KLF7: variants seen among roughly 807,000 people sequenced by gnomAD.
KLF7 encodes Krueppel-like factor 7.
Under a neutral mutation model 27.3 loss-of-function variants are expected in KLF7, and 2 were observed. The ratio of observed to expected loss-of-function variants is 0.07; its 90% CI spans 0.03 to 0.23. KLF7 has a LOEUF of 0.23. KLF7 is among the 10% of genes least tolerant of loss of function. The pLI, the probability that KLF7 is intolerant of heterozygous loss-of-function variation, is 1.00. For synonymous variants in KLF7, 165 were observed against 162.4 expected (o/e 1.02, Z -0.12); for missense variants, 221 against 394.1 (o/e 0.56, Z 3.72).
chr2:207,162,388 T>C (rs2078575388), intron 1 of KLF7, among the ~76,000 whole-genome samples: 2 of 152,196 alleles, frequency 1.3e-5, no homozygotes, highest in South Asian at 4.1e-4. Context: ...TTCTATAAAA[T>C]AATAGACCAC....
rs59384224 is a variant in KLF7 at position 207,102,126 on chromosome 2, TCACA to T, written c.734-13549_734-13546del. ...CCACCCGTGAAAGCTACATTCACAT[TCACA>T]CACACACACACACACACACACACAC... On this transcript the variant is annotated intron_variant, in intron 2 of 3. Coordinates refer to ENST00000309446, the MANE Select transcript of KLF7 (RefSeq NM_003709.4). Among the ~76,000 whole-genome samples the T allele has an allele frequency of 5.5e-4, 78 of 141,266 alleles. No individual in the cohort carries two copies. In the Middle Eastern group the frequency reaches 0.011, roughly 20 times the overall value. The allele number at this position is 141,266 out of a possible 152,430, so 92.7% of individuals were successfully genotyped here.
intron 2 of KLF7, among the ~76,000 whole-genome samples, chr2:207,092,513 G>C (rs1263617): frequency 0.82 from 124,575 of 152,288 alleles, 51,597 homozygotes; most frequent in African/African-American, 0.9. Context: ...TAAGTCTCAT[G>C]AGGTGAAAAC....
At chr2:207,138,862 GAT>G (rs1559153872) in intron 1 of KLF7, among the ~76,000 whole-genome samples, 1 of 152,208 alleles carries the variant, frequency 6.6e-6, no homozygotes, top group Non-Finnish European at 1.5e-5. Context: ...TAAATAAGGA[GAT>G]ATTTCGATGT....
At chr2:207,139,933 G>C (rs1288592353) in intron 1 of KLF7, among the ~76,000 whole-genome samples, 3 of 152,118 alleles carry the variant, frequency 2.0e-5, no homozygotes, top group East Asian at 3.9e-4. Flanking sequence ...ACAGTCGCCA[G>C]GCTGGAGTGC....
In KLF7 at chr2:207,076,794, T is replaced by C. The variant is rs948591333; in HGVS notation, c.*4419A>G. On this transcript the variant is annotated 3_prime_UTR_variant, in exon 4 of 4. Coordinates refer to ENST00000309446, the MANE Select transcript of KLF7 (RefSeq NM_003709.4). ...TTAATCCAGACACCCTGAATTTGAG[T>C]CCTCCCCTCCTGCCCCCCAACTCTT... 1.3e-5 allele frequency: 2 copies of C among 152,062 alleles called. No individual in the cohort carries two copies. The highest frequency in any genetic ancestry group is 3.9e-4 in the East Asian group (2 of 5,176). The allele number at this position is 152,062 out of a possible 1,614,324, so 9.4% of individuals were successfully genotyped here.
chr2:207,172,990 G>GT, the KLF7 span, among the ~76,000 whole-genome samples: 58,718 of 151,894 alleles, frequency 0.39, 12,210 homozygotes, highest in African/African-American at 0.53. Context: ...ATATTTTTGT[G>GT]TACTGACTTT....
At chr2:207,098,924 A>G (rs1012487405) in intron 2 of KLF7, among the ~76,000 whole-genome samples, 1 of 151,508 alleles carries the variant, frequency 6.6e-6, no homozygotes, top group Non-Finnish European at 1.5e-5. Flanking sequence ...CTATTCCCAA[A>G]CTATTAATTT....
rs752576572 is a variant in KLF7, at chr2:207,081,057, GTA to G, written c.*154_*155del. The stretch of plus-strand genomic sequence containing the variant: ...TATGTGTGTGGGTCTGTGAGTGTGT[GTA>G]TATGTGTGTGTGTGTGTGTGTGTGT... On this transcript the variant is annotated 3_prime_UTR_variant, in exon 4 of 4. Coordinates refer to ENST00000309446, the MANE Select transcript of KLF7 (RefSeq NM_003709.4). The G allele has an allele frequency of 0.018, 8,369 of 473,216 alleles. 3 individuals are homozygous for G. Among genetic ancestry groups the G allele is most frequent in the South Asian group, 0.049 (1,792 of 36,376 alleles). The allele number at this position is 473,216 out of a possible 1,614,324, so 29.3% of individuals were successfully genotyped here.
At chr2:207,115,974 G>C (rs2077171251) in intron 2 of KLF7, among the ~76,000 whole-genome samples, 2 of 152,164 alleles carry the variant, frequency 1.3e-5, no homozygotes, top group South Asian at 4.1e-4. Flanking sequence ...ACAGAGTACA[G>C]GAAGGGATCA....
chr2:207,161,360 AAC>A (rs918439238), intron 1 of KLF7, among the ~76,000 whole-genome samples: 4 of 152,238 alleles, frequency 2.6e-5, no homozygotes, highest in East Asian at 1.9e-4. Context: ...ACCAAAAAAA[AAC>A]AGTTATTTTA....
At chr2:207,131,736 AAATTAAGTCAG>A (rs761876258) in intron 1 of KLF7, among the ~76,000 whole-genome samples, 1 of 152,238 alleles carries the variant, frequency 6.6e-6, no homozygotes, top group Non-Finnish European at 1.5e-5. Flanking sequence ...TAGGCTTTCA[AAATTAAGTCAG>A]AATTGAAAGA....
intron 2 of KLF7, among the ~76,000 whole-genome samples, chr2:207,102,002 T>C (rs1437444961): frequency 6.6e-6 from 1 of 151,972 alleles, no homozygotes; most frequent in East Asian, 1.9e-4. Context: ...TATTGGTCCA[T>C]CTCCATACCT....
rs10681871 is a variant in KLF7, at chr2:207,134,175, T to TTTA, written c.103-9772_103-9771insTAA. The TTTA allele has an allele frequency of 1.2e-5, 17 of 1,360,584 alleles. No homozygotes were observed. The South Asian group carries it at 1.4e-4, about 11-fold the overall frequency. The allele number at this position is 1,360,584 out of a possible 1,614,324, so 84.3% of individuals were successfully genotyped here. A position where few individuals can be genotyped will look rare whatever the true frequency, so the allele number is the denominator to read the frequency against. On this transcript the variant is annotated intron_variant, in intron 1 of 3. Transcript: ENST00000309446. ...TGGGATTTTTTTTTTTTTTTTTTTT[T>TTTA]AAAGCAAACTCATTTCATTGGCTCC...
chr2:207,101,804 A>T (rs2076770825), intron 2 of KLF7, among the ~76,000 whole-genome samples: 2 of 152,062 alleles, frequency 1.3e-5, no homozygotes, highest in Non-Finnish European at 2.9e-5. Flanking sequence ...TGCTCGCCTA[A>T]CTTCCTCTAG....
intron 2 of KLF7, among the ~76,000 whole-genome samples, chr2:207,113,719 T>C (rs1365323019): frequency 6.6e-6 from 1 of 151,716 alleles, no homozygotes; most frequent in Non-Finnish European, 1.5e-5. Flanking sequence ...ATTAGCACAC[T>C]GTATTTAATG....
chr2:207,089,733 A>C (rs1574425237), intron 2 of KLF7, among the ~76,000 whole-genome samples: 1 of 152,286 alleles, frequency 6.6e-6, no homozygotes, highest in Non-Finnish European at 1.5e-5. Flanking sequence ...AGATAATAAT[A>C]ATAGGTACCT....
At chr2:207,141,714 C>T (rs1001806265) in intron 1 of KLF7, among the ~76,000 whole-genome samples, 1 of 152,118 alleles carries the variant, frequency 6.6e-6, no homozygotes, top group African/African-American at 2.4e-5. Context: ...AAGCAAAGGG[C>T]CCACAGCTGC....
At chr2:207,109,485 G>GC (rs1287129727) in intron 2 of KLF7, among the ~76,000 whole-genome samples, 4 of 152,184 alleles carry the variant, frequency 2.6e-5, no homozygotes, top group African/African-American at 9.7e-5. Flanking sequence ...GATTCTTTCA[G>GC]CCTCAGTTCC....
intron 1 of KLF7, among the ~76,000 whole-genome samples, chr2:207,144,446 C>T (rs1386750278): frequency 6.6e-6 from 1 of 152,172 alleles, no homozygotes; most frequent in Non-Finnish European, 1.5e-5. Context: ...GAAATAATAG[C>T]TCTACTTCAT....
Sources: allele counts gnomAD v4.1 joint callset (sites outside exome capture counted in the v4.1 genomes callset), GRCh38; gene constraint gnomAD v4.1.1; transcripts MANE v1.5; gene names NCBI Gene and HGNC (gene_info 2026-07-23, HGNC 2026-07-21).